Variants in CLASP2 observed in about 807,000 individuals in gnomAD.
CLASP2 encodes cytoplasmic linker associated protein 2.
CLASP2 carries 47 observed loss-of-function variants against 194.4 expected under a neutral mutation model. That is an observed-to-expected ratio of 0.24 (90% CI 0.19 to 0.31). The LOEUF is 0.31. Among genes scored for constraint, CLASP2 ranks in the 10% least tolerant of loss-of-function variants. The probability of loss-of-function intolerance (pLI) is 1.00; values close to 1 mark genes in which losing one functional copy is unlikely to be tolerated. For missense variants in CLASP2, 1,445 were observed against 1,823.6 expected, an observed-to-expected ratio of 0.79 and a Z score of 3.78; for synonymous variants, 619 against 633.5, an observed-to-expected ratio of 0.98 and a Z score of 0.34.
Position 33,510,695 on chromosome 3 carries a change from C to T in CLASP2, c.4180G>A (p.Val1394Met). The change falls in exon 37 of 39, where the codon GTG becomes ATG. Residue 1394 changes from valine to methionine, a missense_variant. Around this residue, in one of 4 missense-constraint regions of CLASP2, gnomAD observed 732 missense variants for 987.9 expected, o/e 0.74. Transcript: ENST00000682230. Reference sequence around the variant, plus strand: ...GCAGTTTGAATGATAGGACAAAGCACTTTGATGCACTGCTCTGGACTAATT... The same window carrying T: ...GCAGTTTGAATGATAGGACAAAGCATTTTGATGCACTGCTCTGGACTAATT... ...TSISPEQCIK[V>M]LCPIIQTADY... 6.2e-7 allele frequency: 1 copy of T among 1,613,582 alleles called. No homozygotes were observed. Among genetic ancestry groups the T allele is most frequent in the Non-Finnish European group, 8.5e-7 (1 of 1,179,754 alleles).
intron 35 of CLASP2, among the ~76,000 whole-genome samples, chr3:33,516,403 C>T (rs180805429): frequency 2.3e-4 from 35 of 152,306 alleles, no homozygotes; most frequent in East Asian, 1.5e-3. Flanking sequence ...CACGGTGGCT[C>T]ATGCCAGTAA....
At chr3:33,569,086 G>A (rs924820249) in intron 26 of CLASP2, among the ~76,000 whole-genome samples, 1 of 152,116 alleles carries the variant, frequency 6.6e-6, no homozygotes, top group Non-Finnish European at 1.5e-5. Flanking sequence ...AACAAGATGG[G>A]TAGATAAGAA....
chr3:33,658,429 T>A (rs1478954676), intron 7 of CLASP2, among the ~76,000 whole-genome samples: 1 of 152,218 alleles, frequency 6.6e-6, no homozygotes, highest in East Asian at 1.9e-4. Flanking sequence ...AATCAAATTA[T>A]ACCCTGTGCA....
chr3:33,517,316 T>G, intron 34 of CLASP2, 142 bp from the exon 35 acceptor site: 1 of 613,694 alleles, frequency 1.6e-6, no homozygotes, highest in South Asian at 3.1e-5. Context: ...CATTAAGTAA[T>G]CTTCTTTTCA....
intron 8 of CLASP2, among the ~76,000 whole-genome samples, chr3:33,643,423 C>T (rs1000819441): frequency 4.0e-5 from 6 of 151,606 alleles, no homozygotes; most frequent in African/African-American, 7.3e-5. Context: ...TTTTTACTAG[C>T]GGTAAATAGG....
chr3:33,594,962 G>T lies in CLASP2; in HGVS notation c.1955C>A (p.Ala652Glu). 7.0e-7 allele frequency: 1 copy of T among 1,427,532 alleles called. No homozygotes were observed. Among genetic ancestry groups the T allele is most frequent in the Non-Finnish European group, 9.4e-7 (1 of 1,068,784 alleles). 88.4% of individuals were successfully genotyped at this position (1,427,532 alleles called of 1,614,324 possible). A position where few individuals can be genotyped will look rare whatever the true frequency, so the allele number is the denominator to read the frequency against. ...EDTSDKLDGT[A>E]SEDGRVRAKL... Reference sequence around the variant, plus strand: ...TGTATAGTTCTTACCATCTTCAGATGCTGTTCCTAAATAAGAAAAATAAAA... The same window carrying T: ...TGTATAGTTCTTACCATCTTCAGATTCTGTTCCTAAATAAGAAAAATAAAA... The change falls in exon 20 of 39, where the codon GCA becomes GAA. Residue 652 changes from alanine to glutamate, a missense_variant. Ala to Glu is a moderately radical substitution (Grantham distance 107). Around this residue, in one of 4 missense-constraint regions of CLASP2, gnomAD observed 174 missense variants for 179.0 expected, o/e 0.97. Coordinates refer to ENST00000682230, the MANE Select transcript of CLASP2 (RefSeq NM_001365631.1).
chr3:33,660,513 A>G (rs751806461), intron 7 of CLASP2, among the ~76,000 whole-genome samples: 14 of 152,312 alleles, frequency 9.2e-5, no homozygotes, highest in Non-Finnish European at 1.6e-4. Context: ...GGTTTCTTGT[A>G]TTTAGTAAAA....
intron 27 of CLASP2, among the ~76,000 whole-genome samples, chr3:33,561,275 G>T (rs969736960): frequency 6.6e-6 from 1 of 152,146 alleles, no homozygotes; most frequent in African/African-American, 2.4e-5. Flanking sequence ...CTTAAACTGG[G>T]TAAAGTGAAA....
rs11317189 is a variant in CLASP2, at chr3:33,651,382, C to CAA, written c.716-6481_716-6480dup. Among the ~76,000 whole-genome samples the CAA allele has an allele frequency of 1.9e-3, 175 of 90,052 alleles. 3 individuals carry two copies. Among genetic ancestry groups the CAA allele is most frequent in the Middle Eastern group, 6.0e-3 (1 of 166 alleles). The allele number at this position is 90,052 out of a possible 152,430, so 59.1% of individuals were successfully genotyped here. A position where few individuals can be genotyped will look rare whatever the true frequency, so the allele number is the denominator to read the frequency against. On this transcript the variant is annotated intron_variant, in intron 7 of 38. Coordinates refer to ENST00000682230, the MANE Select transcript of CLASP2 (RefSeq NM_001365631.1). ...TGGGCAACAGAGCGAGATCCTGTCT[C>CAA]AAAAAAAAAAAAAAAAAAAAAACCC... is the stretch of plus-strand genomic sequence containing the variant.
At chr3:33,507,079 C>T (rs1301662061) in intron 37 of CLASP2, among the ~76,000 whole-genome samples, 1 of 151,918 alleles carries the variant, frequency 6.6e-6, no homozygotes, top group African/African-American at 2.4e-5. Flanking sequence ...GCTGCGATTA[C>T]AGAGGCGCAC....
intron 10 of CLASP2, among the ~76,000 whole-genome samples, chr3:33,626,735 T>A (rs1049500838): frequency 2.0e-5 from 3 of 150,136 alleles, no homozygotes; most frequent in Admixed American, 1.3e-4. Flanking sequence ...TACTAACCAG[T>A]CAAAAACAGC....
At chr3:33,668,479 T>C (rs2086586024) in intron 6 of CLASP2, among the ~76,000 whole-genome samples, 1 of 152,166 alleles carries the variant, frequency 6.6e-6, no homozygotes, top group Non-Finnish European at 1.5e-5. Context: ...TTCAAATGAA[T>C]GTAATATTCA....
chr3:33,705,631 A>C (rs2092641377), intron 1 of CLASP2, among the ~76,000 whole-genome samples: 1 of 152,218 alleles, frequency 6.6e-6, no homozygotes, highest in Non-Finnish European at 1.5e-5. Flanking sequence ...TCAAATAAGC[A>C]GGAAAAAATG....
chr3:33,515,770 AAAAGT>A (rs2051144218), intron 36 of CLASP2, among the ~76,000 whole-genome samples: 3 of 152,148 alleles, frequency 2.0e-5, no homozygotes, highest in African/African-American at 7.2e-5. Context: ...GTAGAAAACT[AAAAGT>A]GAAGTGAAGG....
chr3:33,659,492 T>G, intron 7 of CLASP2: 1 of 768,598 alleles, frequency 1.3e-6, no homozygotes, highest in Non-Finnish European at 1.6e-6. Context: ...AAGGTTTTCA[T>G]CCTTTTGTCG....
intron 7 of CLASP2, among the ~76,000 whole-genome samples, chr3:33,655,068 A>G (rs897271181): frequency 2.0e-5 from 3 of 152,198 alleles, no homozygotes; most frequent in Non-Finnish European, 4.4e-5. Flanking sequence ...AGCAAACTAA[A>G]TAATAAATGA....
chr3:33,638,553 G>A (rs945742097), intron 8 of CLASP2, among the ~76,000 whole-genome samples: 14 of 152,088 alleles, frequency 9.2e-5, no homozygotes, highest in African/African-American at 2.9e-4. Flanking sequence ...TTAGCCGCCC[G>A]CCTAGGCCTC....
At chr3:33,560,324 C>T (rs993432658) in intron 28 of CLASP2, among the ~76,000 whole-genome samples, 1 of 151,770 alleles carries the variant, frequency 6.6e-6, no homozygotes, top group Non-Finnish European at 1.5e-5. Flanking sequence ...CTCACTGCAA[C>T]CTCCACCTCC....
intron 6 of CLASP2, among the ~76,000 whole-genome samples, chr3:33,675,144 C>T (rs373823560): frequency 6.6e-6 from 1 of 152,066 alleles, no homozygotes; most frequent in African/African-American, 2.4e-5. Context: ...AAAAAGAGAA[C>T]TTTAGACCAA....
Sources: gnomAD v4.1 joint callset for allele counts (sites outside exome capture counted in the v4.1 genomes callset) on GRCh38, gnomAD v4.1.1 for gene constraint, gnomAD v4.1.1 regional missense constraint, MANE v1.5 for transcripts, NCBI Gene and HGNC (gene_info 2026-07-23, HGNC 2026-07-21) for gene names.